NEK11: variants seen among roughly 807,000 people sequenced by gnomAD.
The protein encoded by NEK11 is serine/threonine-protein kinase Nek11.
NEK11 carries 72 observed loss-of-function variants against 80.7 expected under a neutral mutation model. The observed-to-expected ratio is 0.89, with a 90% CI of 0.74 to 1.08. NEK11 has a LOEUF of 1.08. Among genes scored for constraint, NEK11 ranks in the 50% least tolerant of loss-of-function variants. The pLI, the probability that NEK11 is intolerant of heterozygous loss-of-function variation, is 0.00. For missense variants in NEK11, 764 were observed against 763.6 expected (o/e 1.00, Z -0.01); for synonymous variants, 251 against 260.7 (o/e 0.96, Z 0.36).
intron 15 of NEK11, among the ~76,000 whole-genome samples, chr3:131,232,140 C>A (rs2095341835): frequency 6.6e-6 from 1 of 152,162 alleles, no homozygotes; most frequent in African/African-American, 2.4e-5. Flanking sequence ...AAGCCATTAT[C>A]ATATTGTTGA....
chr3:131,122,265 G>T (rs957824676), intron 5 of NEK11, among the ~76,000 whole-genome samples: 3 of 152,190 alleles, frequency 2.0e-5, no homozygotes, highest in African/African-American at 7.2e-5. Context: ...AGGTGGAAAA[G>T]CAGAGAGAAG....
intron 16 of NEK11, among the ~76,000 whole-genome samples, chr3:131,246,540 C>T (rs866910888): frequency 6.6e-6 from 1 of 152,130 alleles, no homozygotes; most frequent in African/African-American, 2.4e-5. Context: ...GGGCTGGTTC[C>T]ATATTTTTGC....
intron 14 of NEK11, among the ~76,000 whole-genome samples, chr3:131,217,336 C>T (rs965446189): frequency 6.6e-6 from 1 of 151,790 alleles, no homozygotes; most frequent in Admixed American, 6.6e-5. Context: ...GACTGGGTAT[C>T]CTTATAAGCT....
intron 16 of NEK11, among the ~76,000 whole-genome samples, chr3:131,255,079 GGAAAGAAAGAAAGAAAGAAAGAAAGAAA>G (rs59699596): frequency 1.7e-5 from 2 of 119,186 alleles, no homozygotes; most frequent in Non-Finnish European, 3.5e-5. Context: ...ACAGAAAGAA[GGAAAGAAAGAAAGAAAGAAAGAAAGAAA>G]GAAAGAAAGA....
intron 3 of NEK11, among the ~76,000 whole-genome samples, chr3:131,040,017 C>T (rs1577308880): frequency 8.8e-6 from 1 of 113,432 alleles, no homozygotes; most frequent in African/African-American, 3.5e-5. Flanking sequence ...ACATTGTTGG[C>T]ACCAGAGTTC....
chr3:131,073,684 T>C (rs180766961), intron 3 of NEK11, among the ~76,000 whole-genome samples: 3 of 152,334 alleles, frequency 2.0e-5, no homozygotes, highest in African/African-American at 7.2e-5. Flanking sequence ...GCTAGCCATC[T>C]TCAGGAGTAT....
rs374366278 is a variant in NEK11, at chr3:131,330,487, A to T, written c.1719-19070A>T. On this transcript the variant is annotated intron_variant, in intron 17 of 17. Transcript: ENST00000383366. ...AGAGAATGTGGATAGAGGACAGAAG[A>T]AGTCTAGGGATCAGGGAGATATGGA... is the stretch of plus-strand genomic sequence containing the variant. The T allele has an allele frequency of 1.4e-4, 22 of 152,336 alleles. 1 individual carries two copies. In the South Asian group the frequency reaches 3.7e-3, roughly 26 times the overall value. The allele number at this position is 152,336 out of a possible 1,614,324, so 9.4% of individuals were successfully genotyped here.
intron 7 of NEK11, among the ~76,000 whole-genome samples, chr3:131,137,705 A>G (rs2149649631): frequency 6.6e-6 from 1 of 152,324 alleles, no homozygotes; most frequent in South Asian, 2.1e-4. Flanking sequence ...CTCTGCAGAT[A>G]GTACTAATTT....
At chr3:131,344,672 C>G (rs1231825378) in intron 17 of NEK11, among the ~76,000 whole-genome samples, 1 of 152,176 alleles carries the variant, frequency 6.6e-6, no homozygotes, top group Non-Finnish European at 1.5e-5. Flanking sequence ...AAGCATAGCA[C>G]CAACATCTGC....
At chr3:131,137,616 A>G (rs2085872079) in intron 7 of NEK11, among the ~76,000 whole-genome samples, 1 of 152,232 alleles carries the variant, frequency 6.6e-6, no homozygotes, top group Non-Finnish European at 1.5e-5. Flanking sequence ...CTTAGGTGAG[A>G]AAACATTTCA....
chr3:131,109,125 G>A (rs925188493), intron 4 of NEK11, among the ~76,000 whole-genome samples: 1 of 152,064 alleles, frequency 6.6e-6, no homozygotes, highest in African/African-American at 2.4e-5. Context: ...GAAGGTTTGT[G>A]TGATAACTTT....
At chr3:131,097,243 T>C (rs912938787) in intron 4 of NEK11, among the ~76,000 whole-genome samples, 5 of 151,952 alleles carry the variant, frequency 3.3e-5, no homozygotes, top group Non-Finnish European at 5.9e-5. Context: ...CCTTTGGGTA[T>C]ATACCCAGTA....
chr3:131,165,411 A>T lies in NEK11; in HGVS notation c.1083-15A>T. 1.3e-6 allele frequency: 2 copies of T among 1,501,094 alleles called. No homozygotes were observed. The highest frequency in any genetic ancestry group is 2.8e-5 in the African/African-American group (2 of 72,628). 93.0% of individuals were successfully genotyped at this position (1,501,094 alleles called of 1,614,324 possible). A position where few individuals can be genotyped will look rare whatever the true frequency, so the allele number is the denominator to read the frequency against. On this transcript the variant is annotated splice_polypyrimidine_tract_variant and intron_variant, in intron 11 of 17. Transcript: ENST00000383366. ...AATTCGCAGTTATTTTTCTACATTC[A>T]CTTTAAATTTACAGAAAGATTGTGG...
chr3:131,215,530 G>T lies in NEK11; in HGVS notation c.1400-12998G>T, dbSNP rs1580340438. 2.0e-5 allele frequency among the ~76,000 whole-genome samples: 3 copies of T among 152,158 alleles called. No homozygotes were observed. In the South Asian group the frequency reaches 6.2e-4, roughly 32 times the overall value. On this transcript the variant is annotated intron_variant, in intron 14 of 17. Coordinates refer to ENST00000383366, the MANE Select transcript of NEK11 (RefSeq NM_024800.5). ...GGCAAGGGGGTTGCCCAGAAGGCTG[G>T]GGTTGGGCATTTATTCAACCTGTGC...
chr3:131,227,401 A>G (rs938033797), intron 14 of NEK11, among the ~76,000 whole-genome samples: 1 of 152,126 alleles, frequency 6.6e-6, no homozygotes, highest in African/African-American at 2.4e-5. Context: ...TGAGAATTCT[A>G]TTACTCAATC....
chr3:131,256,397 G>A (rs1054862401), intron 16 of NEK11, among the ~76,000 whole-genome samples: 1 of 152,082 alleles, frequency 6.6e-6, no homozygotes, highest in African/African-American at 2.4e-5. Flanking sequence ...AAATTAATTT[G>A]TTCAAAGTTA....
At chr3:131,237,585 T>C (rs558572624) in intron 15 of NEK11, among the ~76,000 whole-genome samples, 13 of 152,216 alleles carry the variant, frequency 8.5e-5, no homozygotes, top group African/African-American at 3.1e-4. Flanking sequence ...CCAGTCTGCC[T>C]GGGAGTGGGG....
At position 131,243,848 on chromosome 3, in the gene NEK11, G is replaced by C. The variant is rs537296915; in HGVS notation, c.1621+352G>C. 3.3e-5 allele frequency among the ~76,000 whole-genome samples: 5 copies of C among 152,182 alleles called. No individual in the cohort carries two copies. In the East Asian group the frequency reaches 9.7e-4, roughly 29 times the overall value. ...AGAAGCAGAGAGCACAGTACATTCA[G>C]TTAAGCTGGGAGGACCATCACTCCG... On this transcript the variant is annotated intron_variant, in intron 16 of 17. Coordinates refer to ENST00000383366, the MANE Select transcript of NEK11 (RefSeq NM_024800.5).
chr3:131,229,761 GC>G (rs796277567), intron 15 of NEK11, among the ~76,000 whole-genome samples: 18 of 151,630 alleles, frequency 1.2e-4, no homozygotes, highest in African/African-American at 4.4e-4. Context: ...ATGGGGCCAA[GC>G]AAAAAAAGGG....
Sources: gnomAD v4.1 joint callset for allele counts (sites outside exome capture counted in the v4.1 genomes callset) on GRCh38, gnomAD v4.1.1 for gene constraint, MANE v1.5 for transcripts, NCBI Gene and HGNC (gene_info 2026-07-23, HGNC 2026-07-21) for gene names.